Variants in CCL26 observed in about 807,000 individuals in gnomAD.
The protein encoded by CCL26 is C-C motif chemokine ligand 26.
In CCL26, 10 loss-of-function variants were observed where a neutral mutation model predicts 10.7. That is an observed-to-expected ratio of 0.93 (90% confidence interval 0.57 to 1.58). The LOEUF is 1.58. CCL26 is among the 40% of genes most tolerant of loss of function. The pLI is 0.00. For synonymous variants in CCL26, 43 were observed against 41.4 expected (o/e 1.04, Z -0.15); for missense variants, 116 against 111.0 (o/e 1.05, Z -0.20).
chr7:75,778,994 G>T (rs1022255080), intron 1 of CCL26, among the ~76,000 whole-genome samples: 1 of 152,120 alleles, frequency 6.6e-6, no homozygotes, highest in African/African-American at 2.4e-5. Flanking sequence ...AGTAACTGAA[G>T]AATCACAAAA....
In CCL26 at chr7:75,769,746, T is replaced by C. The variant is rs200493866; in HGVS notation, c.232A>G (p.Lys78Glu). The change falls in exon 3 of 3, where the codon AAA becomes GAA. Residue 78 changes from lysine to glutamate, a missense_variant. Coordinates refer to ENST00000005180, the MANE Select transcript of CCL26 (RefSeq NM_001371938.1). ...RGKKVCTHPR[K>E]KWVQKYISLL... Reference sequence around the variant, plus strand: ...GAAATGTATTTTTGCACCCATTTTTTCCTTGGATGGGTACAGACTTTCTTG... The same window carrying C: ...GAAATGTATTTTTGCACCCATTTTTCCCTTGGATGGGTACAGACTTTCTTG... 284 of 1,612,872 alleles carry C rather than the reference T, an allele frequency of 1.8e-4. No individual in the cohort carries two copies. In the South Asian group the frequency reaches 2.4e-3, roughly 14 times the overall value.
chr7:75,787,926 T>C (rs1425545645), intron 1 of CCL26, among the ~76,000 whole-genome samples: 1 of 152,076 alleles, frequency 6.6e-6, no homozygotes, highest in African/African-American at 2.4e-5. Context: ...CCTTCACCAA[T>C]CGTTTTATAT....
At chr7:75,787,819 C>T (rs1047073609) in intron 1 of CCL26, among the ~76,000 whole-genome samples, 8 of 152,004 alleles carry the variant, frequency 5.3e-5, no homozygotes, top group Admixed American at 1.3e-4. Context: ...CTGGGTCCTC[C>T]CAATTCTTAG....
upstream of CCL26, among the ~76,000 whole-genome samples, chr7:75,772,661 A>AC (rs535616598): frequency 7.7e-3 from 1,127 of 146,026 alleles, 4 homozygotes; most frequent in Middle Eastern, 0.025. Flanking sequence ...TGCCAAAAAA[A>AC]AAAAAAACAA....
At chr7:75,786,153 C>T (rs1037542998) in intron 1 of CCL26, among the ~76,000 whole-genome samples, 34 of 152,190 alleles carry the variant, frequency 2.2e-4, no homozygotes, top group Non-Finnish European at 4.3e-4. Flanking sequence ...AGACTTCAAT[C>T]CGGCCTCCCA....
chr7:75,783,037 A>G (rs1803100236), intron 1 of CCL26, among the ~76,000 whole-genome samples: 1 of 152,044 alleles, frequency 6.6e-6, no homozygotes, highest in Non-Finnish European at 1.5e-5. Context: ...TCTGGCTTAC[A>G]GTTTCGTTCC....
rs1010993379 is a variant in CCL26 at position 75,788,799 on chromosome 7, G to A, written c.-79+918C>T. The stretch of plus-strand genomic sequence containing the variant: ...CCCTTTGGGGCAACTGACTTAAAGC[G>A]GTTTCAAGGGGGCGTTCTGGGGGCT... On this transcript the variant is annotated intron_variant, in intron 1 of 3. Coordinates refer to the CCL26 transcript ENST00000394905. Among the ~76,000 whole-genome samples the A allele has an allele frequency of 5.3e-5, 8 of 152,062 alleles. No homozygotes were observed. The East Asian group carries it at 7.7e-4, about 15-fold the overall frequency.
chr7:75,783,786 CAAAA>C (rs1318162003), intron 1 of CCL26, among the ~76,000 whole-genome samples: 4 of 87,764 alleles, frequency 4.6e-5, no homozygotes, highest in African/African-American at 3.9e-5. Flanking sequence ...GACTCCAGCT[CAAAA>C]AAAAAAAAAA....
At chr7:75,779,727 C>T (rs1041813776) in intron 1 of CCL26, among the ~76,000 whole-genome samples, 11 of 152,214 alleles carry the variant, frequency 7.2e-5, no homozygotes, top group African/African-American at 2.2e-4. Flanking sequence ...GTCTGATCAC[C>T]GCAGTGACGC....
chr7:75,769,714 C>T lies in CCL26; in HGVS notation c.264G>A (p.Leu88=), dbSNP rs1412325421. 12 of 1,611,222 alleles carry T rather than the reference C, an allele frequency of 7.4e-6. No homozygotes were observed. Among genetic ancestry groups the T allele is most frequent in the Non-Finnish European group, 1.0e-5 (12 of 1,177,468 alleles). Residue 88 remains leucine, a synonymous_variant, in exon 3 of 3, where the codon CTG becomes CTA. Transcript: ENST00000005180. The part of the protein sequence containing the change: ...KKWVQKYISL[L]KTPKQL ...TGAGTCACAATTGTTTCGGAGTTTTCAGTAAAGAAATGTATTTTTGCACCC... is the reference window on the plus strand; with the variant it reads ...TGAGTCACAATTGTTTCGGAGTTTTTAGTAAAGAAATGTATTTTTGCACCC...
upstream of CCL26, among the ~76,000 whole-genome samples, chr7:75,790,482 C>T (rs1373061696): frequency 5.3e-5 from 8 of 151,788 alleles, no homozygotes; most frequent in Non-Finnish European, 1.0e-4. Flanking sequence ...AATTCCTGGC[C>T]TCAATCTCCT....
intron 1 of CCL26, among the ~76,000 whole-genome samples, chr7:75,788,104 C>A (rs1408971484): frequency 6.6e-6 from 1 of 151,960 alleles, no homozygotes; most frequent in African/African-American, 2.4e-5. Context: ...AAATTTTCGC[C>A]GCCCCAATAC....
At chr7:75,781,235 T>TA (rs1178074667) in intron 1 of CCL26, among the ~76,000 whole-genome samples, 1 of 152,230 alleles carries the variant, frequency 6.6e-6, no homozygotes, top group East Asian at 1.9e-4. Context: ...AGGACTTAAT[T>TA]AACCTTGCCT....
chr7:75,783,631 CA>C (rs199604955), intron 1 of CCL26, among the ~76,000 whole-genome samples: 1 of 151,708 alleles, frequency 6.6e-6, no homozygotes, highest in East Asian at 1.9e-4. Context: ...ACTAAAAATA[CA>C]AAAAATTAGC....
intron 1 of CCL26, among the ~76,000 whole-genome samples, chr7:75,778,728 G>A (rs945074000): frequency 4.0e-5 from 6 of 151,238 alleles, no homozygotes; most frequent in Non-Finnish European, 7.4e-5. Context: ...CCAGGCTCAA[G>A]CTATTCCCCT....
chr7:75,787,360 A>C (rs1381248619), intron 1 of CCL26, among the ~76,000 whole-genome samples: 2 of 152,044 alleles, frequency 1.3e-5, no homozygotes, highest in Non-Finnish European at 1.5e-5. Context: ...GACACACCTC[A>C]CCAGCCGGGC....
rs781833186 is a variant in CCL26, at chr7:75,772,065, G to A, written c.73+39C>T. On this transcript the variant is annotated intron_variant, in intron 1 of 2. Coordinates refer to ENST00000005180, the MANE Select transcript of CCL26 (RefSeq NM_001371938.1). ...ATTTCCATCCACTCCCAGGCGGTCCGGGAAGGAACCCCAGGAGGGGAATGG... is the reference window on the plus strand; with the variant it reads ...ATTTCCATCCACTCCCAGGCGGTCCAGGAAGGAACCCCAGGAGGGGAATGG... The A allele has an allele frequency of 5.6e-5, 90 of 1,606,120 alleles. No homozygotes were observed. The Middle Eastern group carries it at 9.9e-4, about 18-fold the overall frequency.
Position 75,772,109 on chromosome 7 carries a change from G to A in CCL26, c.68C>T (p.Ala23Val). 1 of 1,577,764 alleles carries A rather than the reference G, an allele frequency of 6.3e-7. No individual in the cohort carries two copies. The highest frequency in any genetic ancestry group is 1.1e-5 in the South Asian group (1 of 87,228). ...ASLLSLHLGT[A>V]TRGSDISKTC... ...GGAATGGGCCAGCTACGTACGTGTG[G>A]CAGTTCCAAGGTGGAGACTCAGGAG... Residue 23 changes from alanine to valine, a missense_variant, in exon 1 of 3, where the codon GCC becomes GTC. Ala to Val is a moderately conservative substitution (Grantham distance 64, BLOSUM62 0). Transcript: ENST00000005180.
intron 1 of CCL26, among the ~76,000 whole-genome samples, chr7:75,780,804 C>T (rs1467364794): frequency 6.6e-6 from 1 of 152,082 alleles, no homozygotes; most frequent in African/African-American, 2.4e-5. Context: ...TGCTCGTTGC[C>T]AGGCCGAGCC....
Sources: gnomAD v4.1 joint callset for allele counts (sites outside exome capture counted in the v4.1 genomes callset) on GRCh38, gnomAD v4.1.1 for gene constraint, MANE v1.5 for transcripts, NCBI Gene and HGNC (gene_info 2026-07-23, HGNC 2026-07-21) for gene names.